The following NT5DC3 variants were observed in gnomAD, a reference collection of about 807,000 sequenced individuals.
NT5DC3 encodes 5'-nucleotidase domain containing 3.
In NT5DC3, 42 loss-of-function variants were observed where a neutral mutation model predicts 67.8. That is an observed-to-expected ratio of 0.62 (90% CI 0.48 to 0.80). NT5DC3 has a LOEUF of 0.80. Among genes scored for constraint, NT5DC3 ranks in the 30% least tolerant of loss-of-function variants. The pLI, the probability that NT5DC3 is intolerant of heterozygous loss-of-function variation, is 0.00. For synonymous variants in NT5DC3, 237 were observed against 255.6 expected, an observed-to-expected ratio of 0.93 and a Z score of 0.69; for missense variants, 570 against 696.4, an observed-to-expected ratio of 0.82 and a Z score of 2.04.
At chr12:103,794,517 T>C (rs1886225687) in intron 6 of NT5DC3, among the ~76,000 whole-genome samples, 1 of 152,216 alleles carries the variant, frequency 6.6e-6, no homozygotes, top group African/African-American at 2.4e-5. Flanking sequence ...GGTGGCAATT[T>C]CCAATGCAAT....
the NT5DC3 span, among the ~76,000 whole-genome samples, chr12:103,757,341 G>A: frequency 6.6e-6 from 1 of 152,270 alleles, no homozygotes; most frequent in South Asian, 2.1e-4. Context: ...TCTCACCTCA[G>A]CCTCCCAAAG....
At chr12:103,755,454 C>T in the NT5DC3 span, 5 of 1,613,868 alleles carry the variant, frequency 3.1e-6, no homozygotes, top group Middle Eastern at 1.6e-4. Context: ...ATGTCTTCTG[C>T]TATCGGATGA....
chr12:103,783,297 G>C (rs1201260724), intron 12 of NT5DC3, among the ~76,000 whole-genome samples: 2 of 152,150 alleles, frequency 1.3e-5, no homozygotes, highest in African/African-American at 4.8e-5. Flanking sequence ...TCTGTACAAA[G>C]TGCCAGAACC....
intron 13 of NT5DC3, among the ~76,000 whole-genome samples, chr12:103,778,735 G>A (rs1004780525): frequency 2.0e-5 from 3 of 152,054 alleles, no homozygotes; most frequent in African/African-American, 7.3e-5. Flanking sequence ...GAGCCTGGGT[G>A]GTTGAGGCTG....
chr12:103,836,658 GT>G (rs1176835101), intron 1 of NT5DC3, among the ~76,000 whole-genome samples: 6 of 150,234 alleles, frequency 4.0e-5, no homozygotes, highest in Non-Finnish European at 9.0e-5. Flanking sequence ...CAATTGGAAT[GT>G]TTTCCTTTTT....
chr12:103,748,637 C>T, the NT5DC3 span, among the ~76,000 whole-genome samples: 6 of 85,422 alleles, frequency 7.0e-5, no homozygotes, highest in African/African-American at 3.1e-4. Flanking sequence ...CACACACACA[C>T]ACACACACAC....
At chr12:103,809,283 T>C (rs1886930765) in intron 2 of NT5DC3, among the ~76,000 whole-genome samples, 1 of 152,270 alleles carries the variant, frequency 6.6e-6, no homozygotes, top group East Asian at 1.9e-4. Flanking sequence ...TGTTTACTGC[T>C]GAAAAGTCTG....
chr12:103,781,903 G>A (rs1013998835), intron 12 of NT5DC3, among the ~76,000 whole-genome samples: 2 of 152,148 alleles, frequency 1.3e-5, no homozygotes, highest in African/African-American at 4.8e-5. Flanking sequence ...CTCTTTAGGG[G>A]CAAAACAGAT....
the NT5DC3 span, among the ~76,000 whole-genome samples, chr12:103,758,839 A>C: frequency 6.6e-6 from 1 of 152,182 alleles, no homozygotes; most frequent in Non-Finnish European, 1.5e-5. Context: ...CGACAGCCCC[A>C]CCAGCCACCT....
chr12:103,834,147 T>G (rs1382988418), intron 1 of NT5DC3, among the ~76,000 whole-genome samples: 1 of 152,090 alleles, frequency 6.6e-6, no homozygotes, highest in Non-Finnish European at 1.5e-5. Context: ...AAACATCCCT[T>G]GGGGAACAAA....
chr12:103,796,930 G>A lies in NT5DC3; in HGVS notation c.717C>T (p.Ile239=), dbSNP rs143434580. 239 of 1,614,086 alleles carry A rather than the reference G, an allele frequency of 1.5e-4. No individual in the cohort carries two copies. In the African/African-American group the frequency reaches 1.8e-3, roughly 12 times the overall value. ...CVNEYFLKNN[I]DYEPVHLYKD... The stretch of plus-strand genomic sequence containing the variant: ...TGTACAGATGCACAGGCTCATAGTC[G>A]ATGTTGTTCTTGAGGAAGTATTCAT... The change falls in exon 6 of 14, where the codon ATC becomes ATT. Residue 239 remains isoleucine, a synonymous_variant. Coordinates refer to ENST00000392876, the MANE Select transcript of NT5DC3 (RefSeq NM_001031701.3).
At position 103,841,119 on chromosome 12, in the gene NT5DC3, G is replaced by A. The variant is rs1888404247; in HGVS notation, c.38C>T (p.Ala13Val). 2 of 1,008,792 alleles carry A rather than the reference G, an allele frequency of 2.0e-6. No homozygotes were observed. Among genetic ancestry groups the A allele is most frequent in the Non-Finnish European group, 1.3e-6 (1 of 765,792 alleles). The allele number at this position is 1,008,792 out of a possible 1,614,324, so 62.5% of individuals were successfully genotyped here. ...CGCCGCTGTCGCTGCCCTCGCCCCG[G>A]CCCCGCGTGCCACCACCGCCGCCGC... ...MAAAAVVARG[A>V]GARAATAAAL... The change falls in exon 1 of 14, where the codon GCC (alanine) becomes GTC (valine). Residue 13 changes from alanine (A) to valine (V), a missense_variant. Around this residue, in one of 2 missense-constraint regions of NT5DC3, gnomAD observed 104 missense variants for 88.4 expected, o/e 1.18. Coordinates refer to ENST00000392876, the MANE Select transcript of NT5DC3 (RefSeq NM_001031701.3).
intron 11 of NT5DC3, among the ~76,000 whole-genome samples, chr12:103,786,486 AGGGG>A (rs1373305088): frequency 6.6e-6 from 1 of 151,556 alleles, no homozygotes; most frequent in African/African-American, 2.4e-5. Context: ...GGGCTGGGGA[AGGGG>A]AAATCCAGTG....
At chr12:103,768,102 A>AAG (rs1330225491), downstream of NT5DC3, among the ~76,000 whole-genome samples, 3 of 147,114 alleles carry the variant, frequency 2.0e-5, no homozygotes, top group East Asian at 2.1e-4. Context: ...AAAAAAAAAA[A>AAG]AAAAAAATTT....
At position 103,793,318 on chromosome 12, in the gene NT5DC3, C is replaced by G; in HGVS notation, c.918-53G>C. 1.9e-6 allele frequency: 3 copies of G among 1,553,284 alleles called. No individual in the cohort carries two copies. The South Asian group carries it at 3.3e-5, about 17-fold the overall frequency. Reference sequence around the variant, plus strand: ...CTAACATTAAAGAGATTAACTGTGTCTGTAACTTTTTCTTTCCAATTTCCA... The same window carrying G: ...CTAACATTAAAGAGATTAACTGTGTGTGTAACTTTTTCTTTCCAATTTCCA... On this transcript the variant is annotated intron_variant, in intron 8 of 13. Coordinates refer to ENST00000392876, the MANE Select transcript of NT5DC3 (RefSeq NM_001031701.3).
chr12:103,795,140 C>T (rs146384254), intron 6 of NT5DC3, among the ~76,000 whole-genome samples: 2 of 152,306 alleles, frequency 1.3e-5, no homozygotes, highest in African/African-American at 4.8e-5. Flanking sequence ...CAGAAGGCAG[C>T]AGTTAAATGC....
At chr12:103,840,905 AG>A in intron 1 of NT5DC3, 43 bp downstream of exon 1, 1 of 1,201,736 alleles carries the variant, frequency 8.3e-7, no homozygotes. Flanking sequence ...CTGAGCGCGC[AG>A]GAGGGGCCCC....
the NT5DC3 span, among the ~76,000 whole-genome samples, chr12:103,749,919 A>G: frequency 0.03 from 4,569 of 150,974 alleles, 92 homozygotes; most frequent in Middle Eastern, 0.073. Flanking sequence ...GATGCAAGAT[A>G]ATGTCCGTTC....
chr12:103,753,977 T>C, the NT5DC3 span, among the ~76,000 whole-genome samples: 1 of 152,230 alleles, frequency 6.6e-6, no homozygotes, highest in Non-Finnish European at 1.5e-5. Flanking sequence ...TGCTGCTCTC[T>C]TAACCTCTAA....
Sources: gnomAD v4.1 joint callset for allele counts (sites outside exome capture counted in the v4.1 genomes callset) on GRCh38, gnomAD v4.1.1 for gene constraint, gnomAD v4.1.1 regional missense constraint, MANE v1.5 for transcripts, NCBI Gene and HGNC (gene_info 2026-07-23, HGNC 2026-07-21) for gene names.